WDR70: variants seen among roughly 807,000 people sequenced by gnomAD.
The protein encoded by WDR70 is WD repeat-containing protein 70.
WDR70 carries 53 observed loss-of-function variants against 88.6 expected under a neutral mutation model. That is an observed-to-expected ratio of 0.60 (90% CI 0.48 to 0.75). The LOEUF (loss-of-function observed/expected upper bound fraction) is 0.75. Among genes scored for constraint, WDR70 ranks in the 30% least tolerant of loss-of-function variants. The pLI, the probability that WDR70 is intolerant of heterozygous loss-of-function variation, is 0.00. For synonymous variants in WDR70, 280 were observed against 270.0 expected (o/e 1.04, Z -0.36); for missense variants, 610 against 823.2 (o/e 0.74, Z 3.17).
At chr5:37,634,877 G>A (rs1006432167) in intron 10 of WDR70, among the ~76,000 whole-genome samples, 2 of 152,154 alleles carry the variant, frequency 1.3e-5, no homozygotes, top group East Asian at 3.8e-4. Flanking sequence ...TGTTTTGGAT[G>A]TGTTGAGTCA....
intron 9 of WDR70, among the ~76,000 whole-genome samples, chr5:37,545,127 T>C (rs992222721): frequency 1.3e-5 from 2 of 152,238 alleles, no homozygotes; most frequent in African/African-American, 4.8e-5. Context: ...GACCTATTTA[T>C]AGCTTTTGAG....
intron 9 of WDR70, among the ~76,000 whole-genome samples, chr5:37,528,194 G>A (rs1015806644): frequency 6.6e-5 from 10 of 152,144 alleles, no homozygotes; most frequent in African/African-American, 2.4e-4. Context: ...GTTTATTGCG[G>A]CACTATTCAC....
chr5:37,752,344 C>T (rs1465195246), intron 17 of WDR70, 142 bp from the exon 18 acceptor site: 5 of 594,982 alleles, frequency 8.4e-6, no homozygotes, highest in African/African-American at 3.8e-5. Flanking sequence ...TTTTCTTTGC[C>T]AGAAGTTTAA....
chr5:37,451,824 T>A (rs944335834), intron 7 of WDR70, among the ~76,000 whole-genome samples: 18 of 152,230 alleles, frequency 1.2e-4, no homozygotes, highest in African/African-American at 4.3e-4. Context: ...TGAAACCCCA[T>A]CTCTACTAAA....
At chr5:37,700,953 C>T (rs370114687) in intron 11 of WDR70, 105 bp from the exon 12 acceptor site, 1 of 652,734 alleles carries the variant, frequency 1.5e-6, no homozygotes, top group Non-Finnish European at 2.7e-6. Flanking sequence ...CCTTCCCTTT[C>T]TTCTTTACAG....
At chr5:37,403,685 A>T (rs1749269065) in intron 5 of WDR70, among the ~76,000 whole-genome samples, 1 of 152,220 alleles carries the variant, frequency 6.6e-6, no homozygotes, top group African/African-American at 2.4e-5. Context: ...TTTTAAAAAG[A>T]ACCTTTCTTT....
chr5:37,688,280 C>G (rs1432970865), intron 10 of WDR70, among the ~76,000 whole-genome samples: 1 of 152,088 alleles, frequency 6.6e-6, no homozygotes, highest in Non-Finnish European at 1.5e-5. Context: ...AGTAATTTGT[C>G]CCAGGTCACA....
At chr5:37,741,145 G>C (rs1202671799) in intron 17 of WDR70, among the ~76,000 whole-genome samples, 1 of 151,896 alleles carries the variant, frequency 6.6e-6, no homozygotes, top group Non-Finnish European at 1.5e-5. Flanking sequence ...CACTGCTCTA[G>C]GTTGGAGGCT....
intron 9 of WDR70, among the ~76,000 whole-genome samples, chr5:37,528,307 T>G (rs1581368547): frequency 6.6e-6 from 1 of 152,198 alleles, no homozygotes; most frequent in South Asian, 2.1e-4. Context: ...CCATAAAAAA[T>G]GATGAGTTCA....
At chr5:37,696,562 AG>A (rs1329509961) in intron 10 of WDR70, among the ~76,000 whole-genome samples, 3 of 152,220 alleles carry the variant, frequency 2.0e-5, no homozygotes, top group Non-Finnish European at 4.4e-5. Flanking sequence ...CATTACCAGC[AG>A]TGCCCCTGTC....
chr5:37,729,631 A>T lies in WDR70; in HGVS notation c.1877+2586A>T, dbSNP rs147495383. ...TATCTGCATGGCATAGTTTGTTTAC[A>T]GTTCTTCTTGTCTTTAGCCTTAAAG... is the stretch of plus-strand genomic sequence containing the variant. On this transcript the variant is annotated intron_variant, in intron 17 of 17. Transcript: ENST00000265107. Among the ~76,000 whole-genome samples, 5 of 152,298 alleles carry T rather than the reference A, an allele frequency of 3.3e-5. No individual in the cohort carries two copies. In the East Asian group the frequency reaches 9.6e-4, roughly 29 times the overall value.
At chr5:37,630,706 A>G (rs1043401428) in intron 10 of WDR70, among the ~76,000 whole-genome samples, 2 of 152,190 alleles carry the variant, frequency 1.3e-5, no homozygotes, top group African/African-American at 2.4e-5. Flanking sequence ...GGATTGTGAC[A>G]TTCATATATA....
At position 37,727,158 on chromosome 5, in the gene WDR70, T is replaced by C. The variant is rs190201220; in HGVS notation, c.1877+113T>C. Reference sequence around the variant, plus strand: ...CTCTATTTCTTATTTCATACTTAGATATGAAAAATAGGCCAGGTACTCATG... The same window carrying C: ...CTCTATTTCTTATTTCATACTTAGACATGAAAAATAGGCCAGGTACTCATG... On this transcript the variant is annotated intron_variant, in intron 17 of 17. Transcript: ENST00000265107. 7.3e-5 allele frequency: 97 copies of C among 1,323,328 alleles called. No individual in the cohort carries two copies. In the African/African-American group the frequency reaches 1.3e-3, roughly 17 times the overall value. The allele number at this position is 1,323,328 out of a possible 1,614,324, so 82.0% of individuals were successfully genotyped here.
chr5:37,732,233 A>G (rs1267661013), intron 17 of WDR70, among the ~76,000 whole-genome samples: 1 of 151,978 alleles, frequency 6.6e-6, no homozygotes, highest in African/African-American at 2.4e-5. Flanking sequence ...GTGTAGATAC[A>G]TGCATTGTTT....
chr5:37,535,386 G>A (rs73749052), intron 9 of WDR70, among the ~76,000 whole-genome samples: 2,321 of 152,224 alleles, frequency 0.015, 52 homozygotes, highest in African/African-American at 0.053. Context: ...TCATAGATTG[G>A]TAGGAAAAGT....
At chr5:37,488,599 T>C (rs946578157) in intron 8 of WDR70, among the ~76,000 whole-genome samples, 1 of 151,784 alleles carries the variant, frequency 6.6e-6, no homozygotes, top group African/African-American at 2.4e-5. Flanking sequence ...GTTGAAGCTT[T>C]CAGTTGTATT....
At chr5:37,743,653 C>A (rs1748551558) in intron 17 of WDR70, among the ~76,000 whole-genome samples, 1 of 152,184 alleles carries the variant, frequency 6.6e-6, no homozygotes. Context: ...CTGTGGCAGT[C>A]TGTGGCCAGA....
At chr5:37,527,458 C>A (rs1741320411) in intron 9 of WDR70, among the ~76,000 whole-genome samples, 1 of 152,154 alleles carries the variant, frequency 6.6e-6, no homozygotes, top group South Asian at 2.1e-4. Context: ...GGATCCCTTC[C>A]TTATACCTTA....
chr5:37,652,912 C>T (rs1216183542), intron 10 of WDR70, among the ~76,000 whole-genome samples: 1 of 152,112 alleles, frequency 6.6e-6, no homozygotes, highest in East Asian at 1.9e-4. Flanking sequence ...TCCTCTCTTC[C>T]TATTCCAGTA....
Sources: gnomAD v4.1 joint callset for allele counts (sites outside exome capture counted in the v4.1 genomes callset) on GRCh38, gnomAD v4.1.1 for gene constraint, MANE v1.5 for transcripts, NCBI Gene and HGNC (gene_info 2026-07-23, HGNC 2026-07-21) for gene names.